Variants in NFATC4 observed in about 807,000 individuals in gnomAD.
NFATC4 encodes the protein nuclear factor of activated T cells 4.
Under a neutral mutation model 73.4 loss-of-function variants are expected in NFATC4, and 25 were observed. The ratio of observed to expected loss-of-function variants is 0.34; its 90% CI spans 0.25 to 0.48. NFATC4 has a LOEUF of 0.48. NFATC4 is among the 20% of genes least tolerant of loss of function. NFATC4 has a pLI of 0.99. For synonymous variants in NFATC4, 523 were observed against 510.3 expected (o/e 1.02, Z -0.34); for missense variants, 1,130 against 1,203.7 (o/e 0.94, Z 0.91).
Position 24,369,516 on chromosome 14 carries a change from GC to G in NFATC4, c.122del (p.Pro41ArgfsTer53). The G allele has an allele frequency of 6.2e-7, 1 of 1,610,296 alleles. No homozygotes were observed. The highest frequency in any genetic ancestry group is 8.5e-7 in the Non-Finnish European group (1 of 1,177,462). On this transcript the variant is annotated frameshift_variant, in exon 2 of 10. Transcript: ENST00000250373. LOFTEE classifies it high-confidence loss of function. ...TTTGACAGAACTGGACTCAGAGGATGCCCCGCCATGCTGCCGTCTGGCCTTG... is the reference window on the plus strand; with the variant it reads ...TTTGACAGAACTGGACTCAGAGGATGCCCGCCATGCTGCCGTCTGGCCTTG... ...GLGEELDSEDAPPCCRLALGE... is the reference protein window; with the variant it reads ...GLGEELDSEDXPPCCRLALGE...
In NFATC4 at chr14:24,373,792, G is replaced by A; in HGVS notation, c.1657G>A (p.Val553Met). 6.2e-7 allele frequency: 1 copy of A among 1,614,144 alleles called. No individual in the cohort carries two copies. Among genetic ancestry groups the A allele is most frequent in the Non-Finnish European group, 8.5e-7 (1 of 1,180,042 alleles). Reference protein sequence around the residue: ...IGRKNTRVRLVFRVHVPQGGG... With the variant: ...IGRKNTRVRLMFRVHVPQGGG... The stretch of plus-strand genomic sequence containing the variant: ...GCGCAAAAACACACGTGTACGGCTG[G>A]TGTTCCGGGTACACGTGCCCCAGGG... The change falls in exon 5 of 10, where the codon GTG becomes ATG. Residue 553 changes from valine to methionine, a missense_variant. Val to Met is a conservative substitution (Grantham distance 21). Around this residue, in one of 3 missense-constraint regions of NFATC4, gnomAD observed 155 missense variants for 221.2 expected, o/e 0.70. Transcript: ENST00000250373. This position sits in a 1 kb window ranked among gnomAD's most constrained non-coding sequence, Gnocchi z 4.7.
rs1355637214 is a variant in NFATC4, at chr14:24,377,292, G to A, written c.2642-346G>A. 7 of 1,269,056 alleles carry A rather than the reference G, an allele frequency of 5.5e-6. No individual in the cohort carries two copies. The highest frequency in any genetic ancestry group is 6.9e-6 in the Non-Finnish European group (7 of 1,007,380). 78.6% of individuals were successfully genotyped at this position (1,269,056 alleles called of 1,614,324 possible). On this transcript the variant is annotated intron_variant, in intron 9 of 9. Transcript: ENST00000250373. The surrounding 1 kb of genome is among the most constrained non-coding windows in gnomAD (Gnocchi z 4.2). ...CCCCTAAACACGGTGTCTGTGGTCA[G>A]GGTTGGTGAGGAGGAGCTTTCCTGT...
chr14:24,377,691 G>A lies in NFATC4; in HGVS notation c.2695G>A (p.Glu899Lys). ...LSGFPAPPGE[E>K]PPA is the part of the protein sequence containing the mutation. ...TGGCTTCCCTGCACCTCCTGGAGAA[G>A]AGCCTCCTGCCTGAACCACGTGAAC... Residue 899 changes from glutamate (E) to lysine (K), a missense_variant, in exon 10 of 10, where the codon GAG becomes AAG. Physicochemically the swap from Glu to Lys is moderately conservative, Grantham distance 56. Around this residue, in one of 3 missense-constraint regions of NFATC4, gnomAD observed 390 missense variants for 408.1 expected, o/e 0.96. Transcript: ENST00000250373. The surrounding 1 kb of genome is among the most constrained non-coding windows in gnomAD (Gnocchi z 4.2). 2 of 1,614,190 alleles carry A rather than the reference G, an allele frequency of 1.2e-6. No homozygotes were observed. Among genetic ancestry groups the A allele is most frequent in the Non-Finnish European group, 8.5e-7 (1 of 1,180,028 alleles).
intron 1 of NFATC4, among the ~76,000 whole-genome samples, chr14:24,368,800 C>T (rs945482826): frequency 6.6e-6 from 1 of 152,058 alleles, no homozygotes; most frequent in Non-Finnish European, 1.5e-5. Context: ...CGAGCTCTGG[C>T]CCGGCCGACT....
Position 24,369,304 on chromosome 14 carries a change from AGGCCT to A in NFATC4, c.101-191_101-187del, listed in dbSNP as rs745356642. 19 of 1,575,092 alleles carry A rather than the reference AGGCCT, an allele frequency of 1.2e-5. 1 individual carries two copies. In the South Asian group the frequency reaches 2.1e-4, roughly 18 times the overall value. On this transcript the variant is annotated intron_variant, in intron 1 of 9. Transcript: ENST00000250373. Reference sequence around the variant, plus strand: ...CTAGGATCCAGGGGCCAGTGGGCAAAGGCCTGGCATGCCTGCTTCAATCTCCTCCA... The same window carrying A: ...CTAGGATCCAGGGGCCAGTGGGCAAAGGCATGCCTGCTTCAATCTCCTCCA...
At position 24,376,137 on chromosome 14, in the gene NFATC4, G is replaced by A; in HGVS notation, c.2056+36G>A. On this transcript the variant is annotated intron_variant, in intron 8 of 9. Transcript: ENST00000250373. The surrounding 1 kb of genome is among the most constrained non-coding windows in gnomAD (Gnocchi z 5.0). ...GGACAGCCCATGGTGGGGGTATAGG[G>A]ATATGGGGAGCTGGAGCAGGAGCAG... 1 of 1,613,270 alleles carries A rather than the reference G, an allele frequency of 6.2e-7. No homozygotes were observed. The highest frequency in any genetic ancestry group is 1.7e-4 in the Middle Eastern group (1 of 6,056).
At position 24,368,189 on chromosome 14, in the gene NFATC4, A is replaced by G; in HGVS notation, c.-152A>G. The G allele has an allele frequency of 7.9e-7, 1 of 1,264,450 alleles. No individual in the cohort carries two copies. The highest frequency in any genetic ancestry group is 3.3e-5 in the East Asian group (1 of 30,644). 78.3% of individuals were successfully genotyped at this position (1,264,450 alleles called of 1,614,324 possible). A position where few individuals can be genotyped will look rare whatever the true frequency, so the allele number is the denominator to read the frequency against. ...AAAAAAGTTTGGAAAAGTTTCTATA[A>G]TAACGAGGGGGCTTCTGGAGGGAGG... On this transcript the variant is annotated 5_prime_UTR_variant, in exon 1 of 10. Coordinates refer to ENST00000250373, the MANE Select transcript of NFATC4 (RefSeq NM_004554.5).
Position 24,373,733 on chromosome 14 carries a change from A to C in NFATC4, c.1598A>C (p.Asp533Ala). ...GGAATCCTGAAGCTTCGGAATTCAGACATTGAGCTTCGGAAGGGTGAGACG... is the reference window on the plus strand; with the variant it reads ...GGAATCCTGAAGCTTCGGAATTCAGCCATTGAGCTTCGGAAGGGTGAGACG... The part of the protein sequence containing the change: ...CAGILKLRNS[D>A]IELRKGETDI... Residue 533 changes from aspartate to alanine, a missense_variant, in exon 5 of 10, where the codon GAC becomes GCC. Coordinates refer to ENST00000250373, the MANE Select transcript of NFATC4 (RefSeq NM_004554.5). The surrounding 1 kb of genome is among the most constrained non-coding windows in gnomAD (Gnocchi z 4.7). 1 of 1,613,162 alleles carries C rather than the reference A, an allele frequency of 6.2e-7. No homozygotes were observed. Among genetic ancestry groups the C allele is most frequent in the Non-Finnish European group, 8.5e-7 (1 of 1,179,170 alleles).
chr14:24,373,042 A>G lies in NFATC4; in HGVS notation c.1360-129A>G. 3 of 944,532 alleles carry G rather than the reference A, an allele frequency of 3.2e-6. No homozygotes were observed. In the South Asian group the frequency reaches 5.1e-5, roughly 16 times the overall value. The allele number at this position is 944,532 out of a possible 1,614,324, so 58.5% of individuals were successfully genotyped here. ...TCCACAACGGGTGCCCAGTTCCCCA[A>G]GGGATTCCCTTGCAGGATATCCTTT... On this transcript the variant is annotated intron_variant, in intron 3 of 9. Coordinates refer to ENST00000250373, the MANE Select transcript of NFATC4 (RefSeq NM_004554.5). This position sits in a 1 kb window ranked among gnomAD's most constrained non-coding sequence, Gnocchi z 4.7.
intron 6 of NFATC4, 134 bp from the exon 7 acceptor site, chr14:24,375,526 C>T: frequency 1.2e-6 from 1 of 803,046 alleles, no homozygotes; most frequent in Middle Eastern, 2.3e-4. Flanking sequence ...ATGCAGTGGG[C>T]TCCTCTGTGT....
Position 24,374,355 on chromosome 14 carries a change from G to T in NFATC4, c.1762G>T (p.Val588Leu). 1 of 1,613,636 alleles carries T rather than the reference G, an allele frequency of 6.2e-7. No homozygotes were observed. The highest frequency in any genetic ancestry group is 8.5e-7 in the Non-Finnish European group (1 of 1,179,848). ...SQRSAQELPQ[V>L]EAYSPSACSV... ...GCGCTCAGCCCAGGAGCTGCCCCAG[G>T]TGGAGGCCTACAGCCCCAGTGCCTG... The change falls in exon 6 of 10, where the codon GTG becomes TTG. Residue 588 changes from valine to leucine, a missense_variant. By Grantham distance (32) the Val-to-Leu change is conservative. Around this residue, in one of 3 missense-constraint regions of NFATC4, gnomAD observed 390 missense variants for 408.1 expected, o/e 0.96. Coordinates refer to ENST00000250373, the MANE Select transcript of NFATC4 (RefSeq NM_004554.5).
In NFATC4 at chr14:24,376,618, G is replaced by A; in HGVS notation, c.2381G>A (p.Gly794Glu). 6.2e-7 allele frequency: 1 copy of A among 1,613,630 alleles called. No individual in the cohort carries two copies. The highest frequency in any genetic ancestry group is 8.5e-7 in the Non-Finnish European group (1 of 1,179,866). ...CCCTTCCCTAGTGACCCGTATGGAG[G>A]GCGGGGCTCCTCTTTCTCCCTGGGG... ...PRPFPSDPYG[G>E]RGSSFSLGLP... The change falls in exon 9 of 10, where the codon GGG becomes GAG. Residue 794 changes from glycine (G) to glutamate (E), a missense_variant. By Grantham distance (98) the Gly-to-Glu change is moderately conservative. Transcript: ENST00000250373. This position sits in a 1 kb window ranked among gnomAD's most constrained non-coding sequence, Gnocchi z 5.0.
rs28365129 is a variant in NFATC4, at chr14:24,370,446, T to C, written c.1048T>C (p.Cys350Arg). 3 of 1,614,128 alleles carry C rather than the reference T, an allele frequency of 1.9e-6. No individual in the cohort carries two copies. The South Asian group carries it at 3.3e-5, about 18-fold the overall frequency. ...GCCTCGGTCTGAGGAGCCTGCCTCA[T>C]GCAATGGGAAGCTGCCCTTGGGAGC... The part of the protein sequence containing the change: ...ALPRSEEPAS[C>R]NGKLPLGAEE... Residue 350 changes from cysteine to arginine, a missense_variant, in exon 2 of 10, where the codon TGC (cysteine) becomes CGC (arginine). Coordinates refer to ENST00000250373, the MANE Select transcript of NFATC4 (RefSeq NM_004554.5).
chr14:24,377,688 G>C lies in NFATC4; in HGVS notation c.2692G>C (p.Glu898Gln). The C allele has an allele frequency of 1.2e-6, 2 of 1,614,200 alleles. No homozygotes were observed. The highest frequency in any genetic ancestry group is 1.7e-6 in the Non-Finnish European group (2 of 1,180,042). Residue 898 changes from glutamate (E) to glutamine (Q), a missense_variant, in exon 10 of 10, where the codon GAA (glutamate) becomes CAA (glutamine). This residue lies in a region of NFATC4 where 390 missense variants were observed against 408.1 expected (regional missense o/e 0.96). Coordinates refer to ENST00000250373, the MANE Select transcript of NFATC4 (RefSeq NM_004554.5). This position sits in a 1 kb window ranked among gnomAD's most constrained non-coding sequence, Gnocchi z 4.2. ...DLSGFPAPPG[E>Q]EPPA is the part of the protein sequence containing the mutation. The stretch of plus-strand genomic sequence containing the variant: ...GAGTGGCTTCCCTGCACCTCCTGGA[G>C]AAGAGCCTCCTGCCTGAACCACGTG...
At position 24,374,482 on chromosome 14, in the gene NFATC4, G is replaced by A; in HGVS notation, c.1873+16G>A. ...AGGGGTCCTGGTGAGTACCTGCTGG[G>A]GAGGGGAGGGCAGGCAGGGAGAGCT... is the stretch of plus-strand genomic sequence containing the variant. On this transcript the variant is annotated intron_variant, in intron 6 of 9. Transcript: ENST00000250373. 1 of 1,599,054 alleles carries A rather than the reference G, an allele frequency of 6.3e-7. No individual in the cohort carries two copies. The highest frequency in any genetic ancestry group is 8.5e-7 in the Non-Finnish European group (1 of 1,169,888).
intron 1 of NFATC4, 102 bp downstream of exon 1, chr14:24,368,542 G>A: frequency 8.6e-7 from 1 of 1,165,816 alleles, no homozygotes; most frequent in Non-Finnish European, 1.1e-6. Context: ...GGGGGGTGAG[G>A]GAGTCAGAGG....
upstream of NFATC4, chr14:24,367,635 C>T: frequency 6.5e-7 from 1 of 1,536,086 alleles, no homozygotes; most frequent in South Asian, 1.2e-5. Context: ...TCCAGAAGGC[C>T]CGGGCAGAGT....
In NFATC4 at chr14:24,368,247, A is replaced by T; in HGVS notation, c.-94A>T. On this transcript the variant is annotated 5_prime_UTR_variant, in exon 1 of 10. Coordinates refer to ENST00000250373, the MANE Select transcript of NFATC4 (RefSeq NM_004554.5). The stretch of plus-strand genomic sequence containing the variant: ...GACGGAGGAGGGGGCTTCTCAGAGA[A>T]AGGGAGGGAGGGAGCCACCCGGGTG... The T allele has an allele frequency of 1.5e-6, 2 of 1,331,008 alleles. No homozygotes were observed. The highest frequency in any genetic ancestry group is 9.6e-7 in the Non-Finnish European group (1 of 1,037,652). 82.4% of individuals were successfully genotyped at this position (1,331,008 alleles called of 1,614,324 possible).
chr14:24,376,074 C>T lies in NFATC4; in HGVS notation c.2029C>T (p.Pro677Ser), dbSNP rs1215012932. The T allele has an allele frequency of 1.9e-6, 3 of 1,613,938 alleles. No homozygotes were observed. The highest frequency in any genetic ancestry group is 1.3e-5 in the African/African-American group (1 of 74,898). ...CTCCAATGGGCGGAGGAAACGCAGTCCTACCCAGAGTTTCAGGTTTCTGCC... is the reference window on the plus strand; with the variant it reads ...CTCCAATGGGCGGAGGAAACGCAGTTCTACCCAGAGTTTCAGGTTTCTGCC... ...YVSNGRRKRS[P>S]TQSFRFLPVI... Residue 677 changes from proline (P) to serine (S), a missense_variant, in exon 8 of 10, where the codon CCT (proline) becomes TCT (serine). Pro to Ser is a moderately conservative substitution (Grantham distance 74). Around this residue, in one of 3 missense-constraint regions of NFATC4, gnomAD observed 390 missense variants for 408.1 expected, o/e 0.96. Transcript: ENST00000250373. The surrounding 1 kb of genome is among the most constrained non-coding windows in gnomAD (Gnocchi z 5.0).
Sources: allele counts gnomAD v4.1 joint callset (sites outside exome capture counted in the v4.1 genomes callset), GRCh38; gene constraint gnomAD v4.1.1; regional missense constraint gnomAD v4.1.1; non-coding constraint Gnocchi (gnomAD v3.1); transcripts MANE v1.5; gene names NCBI Gene and HGNC (gene_info 2026-07-23, HGNC 2026-07-21).